CDKAL1: variants seen among roughly 807,000 people sequenced by gnomAD.
CDKAL1 encodes the protein CDKAL1 threonylcarbamoyladenosine tRNA methylthiotransferase.
Under a neutral mutation model 68.2 loss-of-function variants are expected in CDKAL1, and 32 were observed. The observed-to-expected ratio is 0.47, with a 90% CI of 0.35 to 0.63. The LOEUF (loss-of-function observed/expected upper bound fraction) is 0.63. Ranked by LOEUF, CDKAL1 falls within the 30% of genes least tolerant of loss-of-function variation. The probability of loss-of-function intolerance (pLI) is 0.00; values close to 1 mark genes in which losing one functional copy is unlikely to be tolerated. For synonymous variants in CDKAL1, 234 were observed against 244.3 expected (o/e 0.96, Z 0.39); for missense variants, 606 against 696.7 (o/e 0.87, Z 1.47).
At position 20,625,690 on chromosome 6, in the gene CDKAL1, G is replaced by A. The variant is rs111367972; in HGVS notation, c.287-23603G>A. Among the ~76,000 whole-genome samples the A allele has an allele frequency of 1.5e-3, 225 of 152,144 alleles. 2 individuals carry two copies. The Middle Eastern group carries it at 0.024, about 16-fold the overall frequency. On this transcript the variant is annotated intron_variant, in intron 4 of 15. Transcript: ENST00000274695. ...TATTTAGATCCATTTTCCCTATTGGGTTAGGTGGAAATAAGGCATTGACAG... is the reference window on the plus strand; with the variant it reads ...TATTTAGATCCATTTTCCCTATTGGATTAGGTGGAAATAAGGCATTGACAG...
intron 8 of CDKAL1, among the ~76,000 whole-genome samples, chr6:20,831,967 C>T (rs768759732): frequency 3.3e-5 from 5 of 152,148 alleles, no homozygotes; most frequent in East Asian, 1.9e-4. Context: ...CCGGCCAGTA[C>T]GCTTCTCATC....
At chr6:20,799,251 C>G (rs1423974935) in intron 8 of CDKAL1, among the ~76,000 whole-genome samples, 1 of 151,854 alleles carries the variant, frequency 6.6e-6, no homozygotes, top group Non-Finnish European at 1.5e-5. Flanking sequence ...GGGGTTTCTC[C>G]ATGTTGGTCA....
intron 4 of CDKAL1, among the ~76,000 whole-genome samples, chr6:20,640,453 G>A (rs910381221): frequency 3.9e-5 from 6 of 152,182 alleles, no homozygotes; most frequent in Non-Finnish European, 8.8e-5. Flanking sequence ...GGGCAGATTC[G>A]TAGTTGTGAG....
At chr6:20,575,738 C>T (rs1322645553) in intron 4 of CDKAL1, among the ~76,000 whole-genome samples, 1 of 152,092 alleles carries the variant, frequency 6.6e-6, no homozygotes, top group Non-Finnish European at 1.5e-5. Flanking sequence ...ACATTGTCTG[C>T]TTAGTTTCTG....
intron 8 of CDKAL1, among the ~76,000 whole-genome samples, chr6:20,833,129 C>T (rs1002814376): frequency 2.6e-5 from 4 of 152,246 alleles, no homozygotes; most frequent in Middle Eastern, 3.4e-3. Flanking sequence ...TATTGGAATA[C>T]ATTTATTGAA....
chr6:21,110,493 C>A (rs1390994692), intron 13 of CDKAL1, among the ~76,000 whole-genome samples: 1 of 152,158 alleles, frequency 6.6e-6, no homozygotes, highest in Non-Finnish European at 1.5e-5. Flanking sequence ...TATATTCAAG[C>A]AAATTGGTTT....
At chr6:21,083,372 T>C (rs955881371) in intron 12 of CDKAL1, among the ~76,000 whole-genome samples, 1 of 152,182 alleles carries the variant, frequency 6.6e-6, no homozygotes, top group Non-Finnish European at 1.5e-5. Context: ...TTAGGGATGC[T>C]CAACCTGTAT....
rs1554119621 is a variant in CDKAL1, at chr6:20,780,119, A to AAG, written c.518-1024_518-1023dup. On this transcript the variant is annotated intron_variant, in intron 7 of 15. Transcript: ENST00000274695. ...AACCTTAAAAAAAAAAAAAAAAAAAAAGACAAAATGCAATATGTCCATATA... is the reference window on the plus strand; with the variant it reads ...AACCTTAAAAAAAAAAAAAAAAAAAAAGAGACAAAATGCAATATGTCCATATA... Among the ~76,000 whole-genome samples the AAG allele has an allele frequency of 1.2e-3, 184 of 147,546 alleles. 3 individuals are homozygous for AAG. The highest frequency in any genetic ancestry group is 4.0e-3 in the African/African-American group (161 of 40,060).
intron 11 of CDKAL1, among the ~76,000 whole-genome samples, chr6:21,013,732 G>T (rs1038288786): frequency 6.6e-6 from 1 of 152,234 alleles, no homozygotes; most frequent in Admixed American, 6.5e-5. Flanking sequence ...CCAGCCTGCA[G>T]TATGAGTCCT....
At chr6:20,601,067 G>A (rs1189403909) in intron 4 of CDKAL1, among the ~76,000 whole-genome samples, 2 of 151,888 alleles carry the variant, frequency 1.3e-5, no homozygotes, top group Non-Finnish European at 1.5e-5. Context: ...CCTCTGGATG[G>A]CATTGCTAAA....
chr6:20,660,224 A>G (rs1322393194), intron 5 of CDKAL1, among the ~76,000 whole-genome samples: 1 of 152,012 alleles, frequency 6.6e-6, no homozygotes, highest in South Asian at 2.1e-4. Flanking sequence ...AGTATATTCT[A>G]TTATTTGTTT....
At chr6:20,834,723 T>A (rs1406786804) in intron 8 of CDKAL1, among the ~76,000 whole-genome samples, 1 of 152,232 alleles carries the variant, frequency 6.6e-6, no homozygotes, top group African/African-American at 2.4e-5. Context: ...TTGAAGCAAC[T>A]ATAGTATAAT....
At chr6:20,659,879 T>C (rs1769206452) in intron 5 of CDKAL1, among the ~76,000 whole-genome samples, 1 of 152,216 alleles carries the variant, frequency 6.6e-6, no homozygotes, top group African/African-American at 2.4e-5. Flanking sequence ...AAAAAAAATT[T>C]GTTCAATGCC....
chr6:21,224,975 T>C (rs1445922485), intron 15 of CDKAL1, among the ~76,000 whole-genome samples: 1 of 152,274 alleles, frequency 6.6e-6, no homozygotes, highest in East Asian at 1.9e-4. Flanking sequence ...AATGTGAATA[T>C]ATGGTAGTAA....
At chr6:21,191,468 T>G (rs1582389130) in intron 13 of CDKAL1, among the ~76,000 whole-genome samples, 1 of 152,256 alleles carries the variant, frequency 6.6e-6, no homozygotes, top group Non-Finnish European at 1.5e-5. Flanking sequence ...GCTATTTGTT[T>G]GTCACAGACG....
intron 15 of CDKAL1, among the ~76,000 whole-genome samples, chr6:21,221,436 C>T (rs565102942): frequency 2.0e-5 from 3 of 152,180 alleles, no homozygotes; most frequent in Non-Finnish European, 4.4e-5. Context: ...CCATGTTGCC[C>T]AGGTTAGTGT....
intron 9 of CDKAL1, among the ~76,000 whole-genome samples, chr6:20,891,604 G>A (rs1581775945): frequency 6.8e-6 from 1 of 147,832 alleles, no homozygotes; most frequent in African/African-American, 2.5e-5. Context: ...GCGCAGTCTC[G>A]GCTTGCTGCA....
intron 8 of CDKAL1, among the ~76,000 whole-genome samples, chr6:20,801,505 T>G (rs1043607693): frequency 6.6e-6 from 1 of 152,032 alleles, no homozygotes; most frequent in African/African-American, 2.4e-5. Flanking sequence ...ACTTATTTTT[T>G]TAACATGTTT....
In CDKAL1 at chr6:21,064,136, G is replaced by C. The variant is rs1382279987; in HGVS notation, c.1056-912G>C. The stretch of plus-strand genomic sequence containing the variant: ...TATGGATAATACTTTTTGACTTGGA[G>C]TGCTACACACAACCAAATGTCGGTC... On this transcript the variant is annotated intron_variant, in intron 11 of 15. Transcript: ENST00000274695. Among the ~76,000 whole-genome samples the C allele has an allele frequency of 2.6e-5, 4 of 152,190 alleles. No homozygotes were observed. In the East Asian group the frequency reaches 7.7e-4, roughly 29 times the overall value.
Sources: allele counts gnomAD v4.1 joint callset (sites outside exome capture counted in the v4.1 genomes callset), GRCh38; gene constraint gnomAD v4.1.1; transcripts MANE v1.5; gene names NCBI Gene and HGNC (gene_info 2026-07-23, HGNC 2026-07-21).